Variants in DEPTOR observed in about 807,000 individuals in gnomAD.
The protein encoded by DEPTOR is DEP domain-containing mTOR-interacting protein.
In DEPTOR, 41 loss-of-function variants were observed where a neutral mutation model predicts 41.6. The ratio of observed to expected loss-of-function variants is 0.98; its 90% confidence interval spans 0.77 to 1.28. The LOEUF (loss-of-function observed/expected upper bound fraction) is 1.28. Among genes scored for constraint, DEPTOR ranks in the 50% most tolerant of loss-of-function variants. DEPTOR has a pLI of 0.00. For missense variants in DEPTOR, 514 were observed against 527.9 expected (o/e 0.97, Z 0.26); for synonymous variants, 195 against 192.3 (o/e 1.01, Z -0.12).
At chr8:119,935,048 G>A (rs889883514) in intron 3 of DEPTOR, among the ~76,000 whole-genome samples, 3 of 152,026 alleles carry the variant, frequency 2.0e-5, no homozygotes, top group Non-Finnish European at 4.4e-5. Flanking sequence ...GTCATTTTGA[G>A]GAATTCATCT....
At chr8:120,019,174 C>A (rs988997199) in intron 8 of DEPTOR, among the ~76,000 whole-genome samples, 2 of 151,880 alleles carry the variant, frequency 1.3e-5, no homozygotes. Flanking sequence ...GCATGGTGGC[C>A]CATGCCTGTA....
intron 1 of DEPTOR, among the ~76,000 whole-genome samples, chr8:119,924,526 C>T (rs1437098444): frequency 6.6e-6 from 1 of 152,026 alleles, no homozygotes; most frequent in Admixed American, 6.6e-5. Context: ...CTAAAATCTC[C>T]TGCTTATTTT....
intron 4 of DEPTOR, among the ~76,000 whole-genome samples, chr8:119,998,999 C>T (rs975909689): frequency 6.7e-6 from 1 of 150,298 alleles, no homozygotes; most frequent in African/African-American, 2.4e-5. Context: ...CACGGAGGCT[C>T]GTGTCTGTAA....
At chr8:120,016,930 G>A (rs1053808722) in intron 8 of DEPTOR, among the ~76,000 whole-genome samples, 1 of 151,920 alleles carries the variant, frequency 6.6e-6, no homozygotes, top group Non-Finnish European at 1.5e-5. Context: ...ATGAATTCTG[G>A]GAATACTCAA....
At chr8:119,974,248 A>G (rs1828669560) in intron 4 of DEPTOR, among the ~76,000 whole-genome samples, 3 of 149,386 alleles carry the variant, frequency 2.0e-5, no homozygotes, top group Non-Finnish European at 4.5e-5. Flanking sequence ...AAAAAAAAAA[A>G]AAAAAAAAAA....
intron 8 of DEPTOR, among the ~76,000 whole-genome samples, chr8:120,018,428 A>G (rs1030085208): frequency 1.5e-4 from 23 of 152,124 alleles, no homozygotes; most frequent in African/African-American, 5.6e-4. Context: ...CAAATACAAA[A>G]ATTAGCACGG....
At chr8:119,893,681 TAGTG>T (rs1827478575) in intron 1 of DEPTOR, among the ~76,000 whole-genome samples, 1 of 151,830 alleles carries the variant, frequency 6.6e-6, no homozygotes, top group South Asian at 2.1e-4. Flanking sequence ...ATACAAAAAT[TAGTG>T]GGTGTGGTGG....
intron 3 of DEPTOR, 56 bp from the exon 4 acceptor site, chr8:119,965,176 T>G: frequency 2.6e-4 from 389 of 1,514,784 alleles, no homozygotes; most frequent in Middle Eastern, 3.5e-4. Flanking sequence ...TGATTTCAAA[T>G]GAGCTGTTTT....
chr8:119,987,202 C>T (rs866142710), intron 4 of DEPTOR, among the ~76,000 whole-genome samples: 1 of 152,072 alleles, frequency 6.6e-6, no homozygotes, highest in African/African-American at 2.4e-5. Context: ...TGGTGACCTT[C>T]GGATAGAGTT....
At chr8:119,933,453 GAC>G (rs35420959) in intron 3 of DEPTOR, among the ~76,000 whole-genome samples, 7,280 of 124,378 alleles carry the variant, frequency 0.059, 256 homozygotes, top group East Asian at 0.13. Context: ...GACAGAGCAA[GAC>G]ACACACACAC....
chr8:119,882,230 T>C (rs984273434), intron 1 of DEPTOR, among the ~76,000 whole-genome samples: 6 of 152,112 alleles, frequency 3.9e-5, no homozygotes, highest in Admixed American at 3.9e-4. Flanking sequence ...TGATATAAGT[T>C]ATGGCTTCCA....
chr8:119,989,697 G>A (rs191454864), intron 4 of DEPTOR, among the ~76,000 whole-genome samples: 9 of 152,304 alleles, frequency 5.9e-5, no homozygotes, highest in East Asian at 1.9e-4. Flanking sequence ...GCACAGGGCC[G>A]TGCACAGGCT....
intron 3 of DEPTOR, among the ~76,000 whole-genome samples, chr8:119,938,311 G>T (rs1828138265): frequency 6.6e-6 from 1 of 152,134 alleles, no homozygotes; most frequent in African/African-American, 2.4e-5. Context: ...TTATATGAAA[G>T]ATTTCAGAAA....
chr8:120,002,761 G>A (rs1489947146), intron 5 of DEPTOR, among the ~76,000 whole-genome samples: 2 of 90,684 alleles, frequency 2.2e-5, no homozygotes, highest in African/African-American at 4.5e-5. Context: ...TGTGCAACAG[G>A]GCAAGACTCC....
At chr8:120,003,165 C>G in intron 6 of DEPTOR, 54 bp downstream of exon 6, 1 of 1,585,368 alleles carries the variant, frequency 6.3e-7, no homozygotes. Flanking sequence ...TTGGGCAGGT[C>G]CCTGGGAAGC....
chr8:119,911,311 C>CTT (rs147066045), intron 1 of DEPTOR, among the ~76,000 whole-genome samples: 244 of 105,426 alleles, frequency 2.3e-3, no homozygotes, highest in Non-Finnish European at 2.7e-3. Context: ...TACACACATT[C>CTT]TTTTTTTTTT....
chr8:120,026,926 A>G (rs1812805870), intron 8 of DEPTOR, among the ~76,000 whole-genome samples: 3 of 152,142 alleles, frequency 2.0e-5, no homozygotes, highest in African/African-American at 7.2e-5. Context: ...GTTCTTAATA[A>G]TAGTAATGCC....
chr8:119,950,121 G>C (rs916246253), intron 3 of DEPTOR, among the ~76,000 whole-genome samples: 6 of 152,192 alleles, frequency 3.9e-5, no homozygotes, highest in Non-Finnish European at 7.3e-5. Context: ...TGCACCATCT[G>C]TCGAAAGGAC....
chr8:119,969,366 T>G (rs1172379319), intron 4 of DEPTOR, among the ~76,000 whole-genome samples: 1 of 151,958 alleles, frequency 6.6e-6, no homozygotes, highest in Non-Finnish European at 1.5e-5. Flanking sequence ...TTTTGTTTTT[T>G]TTTTTGAGAT....
Sources: gnomAD v4.1 joint callset for allele counts (sites outside exome capture counted in the v4.1 genomes callset) on GRCh38, gnomAD v4.1.1 for gene constraint, MANE v1.5 for transcripts, NCBI Gene and HGNC (gene_info 2026-07-23, HGNC 2026-07-21) for gene names.